RHOU: variants seen among roughly 807,000 people sequenced by gnomAD.
RHOU encodes the protein ras homolog family member U.
Under a neutral mutation model 12.6 loss-of-function variants are expected in RHOU, and 8 were observed. The ratio of observed to expected loss-of-function variants is 0.64; its 90% CI spans 0.37 to 1.15. The LOEUF (loss-of-function observed/expected upper bound fraction) is 1.15. RHOU is among the 50% of genes most tolerant of loss of function. The pLI is 0.01. For missense variants in RHOU, 258 were observed against 347.0 expected (o/e 0.74, Z 2.04); for synonymous variants, 161 against 147.4 (o/e 1.09, Z -0.67).
At chr1:228,731,161 G>C (rs1662488701), upstream of RHOU, among the ~76,000 whole-genome samples, 2 of 152,142 alleles carry the variant, frequency 1.3e-5, no homozygotes, top group Non-Finnish European at 2.9e-5. Flanking sequence ...CTCCCTTTTA[G>C]GGGATTATGA....
the RHOU span, chr1:228,650,951 C>G: frequency 2.8e-6 from 1 of 360,272 alleles, no homozygotes; most frequent in African/African-American, 2.2e-5. Flanking sequence ...CTCTCACTTT[C>G]AAGAAGCAAT....
the RHOU span, among the ~76,000 whole-genome samples, chr1:228,672,163 A>G: frequency 6.6e-5 from 10 of 152,222 alleles, no homozygotes; most frequent in Admixed American, 6.5e-5. Flanking sequence ...ATTTTCATAT[A>G]TATACACACA....
upstream of RHOU, among the ~76,000 whole-genome samples, chr1:228,733,643 T>C (rs1662538129): frequency 1.3e-5 from 2 of 152,226 alleles, no homozygotes; most frequent in African/African-American, 4.8e-5. Context: ...ATTGCCAGAC[T>C]AGCTTCCAGC....
the RHOU span, among the ~76,000 whole-genome samples, chr1:228,686,215 C>G: frequency 6.6e-6 from 1 of 152,122 alleles, no homozygotes; most frequent in Non-Finnish European, 1.5e-5. Flanking sequence ...AAATAACTAA[C>G]TCATGAGGTT....
the RHOU span, among the ~76,000 whole-genome samples, chr1:228,718,904 G>A: frequency 1.3e-5 from 2 of 152,210 alleles, no homozygotes; most frequent in African/African-American, 4.8e-5. Context: ...GGTTTTGAGA[G>A]GGAGTGAACT....
chr1:228,708,172 C>G, the RHOU span, among the ~76,000 whole-genome samples: 1 of 152,190 alleles, frequency 6.6e-6, no homozygotes, highest in Non-Finnish European at 1.5e-5. Flanking sequence ...AAGACCAAAT[C>G]TACGTCTGAT....
the RHOU span, among the ~76,000 whole-genome samples, chr1:228,693,404 C>T: frequency 1.3e-5 from 2 of 152,108 alleles, no homozygotes; most frequent in South Asian, 2.1e-4. Context: ...GATATTAACA[C>T]ACATTCAAGG....
At chr1:228,707,255 AG>A in the RHOU span, among the ~76,000 whole-genome samples, 109 of 40,618 alleles carry the variant, frequency 2.7e-3, no homozygotes, top group African/African-American at 9.4e-3. Flanking sequence ...ATATATATAT[AG>A]TGTGTGTGTG....
the RHOU span, among the ~76,000 whole-genome samples, chr1:228,702,251 C>T: frequency 1.3e-5 from 2 of 151,752 alleles, no homozygotes; most frequent in Non-Finnish European, 2.9e-5. Flanking sequence ...ATACAAGTAC[C>T]CTTTCTAATG....
At chr1:228,647,800 G>T in the RHOU span, 5 of 152,306 alleles carry the variant, frequency 3.3e-5, no homozygotes, top group African/African-American at 1.2e-4. Flanking sequence ...ACACTAAGCG[G>T]TCCCGGGCTG....
upstream of RHOU, chr1:228,735,186 G>C (rs1419325152): frequency 2.0e-5 from 3 of 152,336 alleles, no homozygotes; most frequent in Non-Finnish European, 4.4e-5. The surrounding 1 kb of genome is among the most constrained non-coding windows in gnomAD (Gnocchi z 8.1). Context: ...TGGGAGCTGG[G>C]GAGGAGGCTG....
chr1:228,736,131 A>G, intron 1 of RHOU, 127 bp downstream of exon 1: 1 of 947,092 alleles, frequency 1.1e-6, no homozygotes. Context: ...CCAGCTGGGA[A>G]GCCGGACAAA....
At chr1:228,657,279 CAA>C in the RHOU span, among the ~76,000 whole-genome samples, 411 of 28,004 alleles carry the variant, frequency 0.015, 2 homozygotes, top group African/African-American at 0.053. Flanking sequence ...AACTCCATCT[CAA>C]AAAAAAAAAA....
chr1:228,649,777 A>T, the RHOU span, among the ~76,000 whole-genome samples: 1 of 152,214 alleles, frequency 6.6e-6, no homozygotes. Context: ...AATCAGGCTC[A>T]TTTGAAGATG....
At chr1:228,707,128 A>ATATG in the RHOU span, among the ~76,000 whole-genome samples, 5 of 67,582 alleles carry the variant, frequency 7.4e-5, 1 homozygote, top group African/African-American at 8.4e-4. Flanking sequence ...ATATATATAC[A>ATATG]TATATATATA....
the RHOU span, among the ~76,000 whole-genome samples, chr1:228,715,361 T>C: frequency 6.6e-6 from 1 of 152,170 alleles, no homozygotes; most frequent in South Asian, 2.1e-4. Context: ...TTTATCTTTC[T>C]CTTTTCATCC....
At chr1:228,692,065 A>T in the RHOU span, among the ~76,000 whole-genome samples, 1 of 152,212 alleles carries the variant, frequency 6.6e-6, no homozygotes, top group Non-Finnish European at 1.5e-5. Flanking sequence ...TTTAGGCTGT[A>T]ATTATGTACG....
the RHOU span, among the ~76,000 whole-genome samples, chr1:228,674,548 G>T: frequency 1.3e-4 from 19 of 151,630 alleles, no homozygotes; most frequent in South Asian, 4.0e-3. Context: ...GTTTCACCAT[G>T]TTGTCCAGGC....
the RHOU span, among the ~76,000 whole-genome samples, chr1:228,683,474 C>A: frequency 6.6e-6 from 1 of 152,046 alleles, no homozygotes; most frequent in Non-Finnish European, 1.5e-5. Context: ...GATAAATTAT[C>A]CAATCAGTGA....
Sources: allele counts gnomAD v4.1 joint callset (sites outside exome capture counted in the v4.1 genomes callset), GRCh38; gene constraint gnomAD v4.1.1; non-coding constraint Gnocchi (gnomAD v3.1); transcripts MANE v1.5; gene names NCBI Gene and HGNC (gene_info 2026-07-23, HGNC 2026-07-21).